Variants in P2RY11 observed in about 807,000 individuals in gnomAD.
The protein encoded by P2RY11 is P2Y purinoceptor 11.
A neutral mutation model predicts 2.4 loss-of-function variants in P2RY11; 3 were observed. That is an observed-to-expected ratio of 1.22 (90% CI 0.56 to 3.17). The LOEUF is 3.17. Ranked by LOEUF, P2RY11 falls within the 30% of genes most tolerant of loss-of-function variation. The pLI is 0.03. For missense variants in P2RY11, 670 were observed against 528.2 expected (o/e 1.27, Z -2.63); for synonymous variants, 307 against 237.3 (o/e 1.29, Z -2.70).
chr19:10,114,872 C>T lies in P2RY11; in HGVS notation c.*134C>T, dbSNP rs878989886. On this transcript the variant is annotated 3_prime_UTR_variant, in exon 2 of 2. Transcript: ENST00000321826. ...GCAGCCAGGTCAGGCCCAGCTGCAGCCCAGGCAGGAGCAGTCGCCTTTCCC... is the reference window on the plus strand; with the variant it reads ...GCAGCCAGGTCAGGCCCAGCTGCAGTCCAGGCAGGAGCAGTCGCCTTTCCC... 11 of 1,449,032 alleles carry T rather than the reference C, an allele frequency of 7.6e-6. No individual in the cohort carries two copies. The South Asian group carries it at 1.2e-4, about 16-fold the overall frequency. 89.8% of individuals were successfully genotyped at this position (1,449,032 alleles called of 1,614,324 possible). A position where few individuals can be genotyped will look rare whatever the true frequency, so the allele number is the denominator to read the frequency against.
Position 10,114,786 on chromosome 19 carries a change from C to A in P2RY11, c.*48C>A, listed in dbSNP as rs773672982. The A allele has an allele frequency of 6.4e-7, 1 of 1,550,698 alleles. No individual in the cohort carries two copies. Among genetic ancestry groups the A allele is most frequent in the Non-Finnish European group, 8.7e-7 (1 of 1,148,098 alleles). On this transcript the variant is annotated 3_prime_UTR_variant, in exon 2 of 2. Transcript: ENST00000321826. ...CCTCACCCTAGGTGTTGCTGGAGAA[C>A]CCTGAGGGCAGGGCCCGAGCCCCGA...
chr19:10,115,097 A>G lies in P2RY11; in HGVS notation c.*359A>G. 6.2e-7 allele frequency: 1 copy of G among 1,614,000 alleles called. No individual in the cohort carries two copies. Among genetic ancestry groups the G allele is most frequent in the Non-Finnish European group, 8.5e-7 (1 of 1,180,010 alleles). Reference sequence around the variant, plus strand: ...TGTCGCCAAGGGTCCCGGACCGAGTACACAGTGGCAGCTGGCTTAGTTGGT... The same window carrying G: ...TGTCGCCAAGGGTCCCGGACCGAGTGCACAGTGGCAGCTGGCTTAGTTGGT... On this transcript the variant is annotated 3_prime_UTR_variant, in exon 2 of 2. Coordinates refer to ENST00000321826, the MANE Select transcript of P2RY11 (RefSeq NM_002566.5).
intron 1 of P2RY11, chr19:10,112,305 C>A (rs988462526): frequency 6.5e-6 from 1 of 153,518 alleles, no homozygotes; most frequent in East Asian, 1.9e-4. Context: ...GACGACACTT[C>A]CTCCTTAAGC....
chr19:10,114,188 T>C lies in P2RY11; in HGVS notation c.575T>C (p.Leu192Pro). The C allele has an allele frequency of 6.2e-6, 10 of 1,600,768 alleles. No individual in the cohort carries two copies. The highest frequency in any genetic ancestry group is 8.5e-6 in the Non-Finnish European group (10 of 1,179,466). The stretch of plus-strand genomic sequence containing the variant: ...AGGCCCGAGGCCTGCATCAAGTGTC[T>C]GGGGACAGCAGACCACGGGCTGGCG... ...VARPEACIKC[L>P]GTADHGLAAY... Residue 192 changes from leucine (L) to proline (P), a missense_variant, in exon 2 of 2, where the codon CTG becomes CCG. Leu to Pro is a moderately conservative substitution (Grantham distance 98). Transcript: ENST00000321826.
At chr19:10,113,023 GGAGT>G (rs774079028) in intron 1 of P2RY11, among the ~76,000 whole-genome samples, 8 of 152,082 alleles carry the variant, frequency 5.3e-5, no homozygotes, top group Non-Finnish European at 7.4e-5. Flanking sequence ...CTGGTGCGAG[GGAGT>G]GAGTCGCGGA....
In P2RY11 at chr19:10,114,020, TCGCC is replaced by T. The variant is rs756747516; in HGVS notation, c.410_413del (p.Ala137GlufsTer12). The T allele has an allele frequency of 6.2e-7, 1 of 1,601,272 alleles. No homozygotes were observed. The highest frequency in any genetic ancestry group is 8.5e-7 in the Non-Finnish European group (1 of 1,179,644). On this transcript the variant is annotated frameshift_variant, in exon 2 of 2. Coordinates refer to ENST00000321826, the MANE Select transcript of P2RY11 (RefSeq NM_002566.5). LOFTEE classifies it low-confidence loss of function (END_TRUNC). ...TACCTGGGCATCGTGCACCCCTTCTTCGCCCGAAGCCACCTGCGACCCAAGCACG... is the reference window on the plus strand; with the variant it reads ...TACCTGGGCATCGTGCACCCCTTCTTCGAAGCCACCTGCGACCCAAGCACG...
At position 10,113,820 on chromosome 19, in the gene P2RY11, C is replaced by G. The variant is rs753346854; in HGVS notation, c.207C>G (p.Val69=). 4 of 1,613,824 alleles carry G rather than the reference C, an allele frequency of 2.5e-6. No individual in the cohort carries two copies. The highest frequency in any genetic ancestry group is 3.4e-6 in the Non-Finnish European group (4 of 1,179,976). Residue 69 remains valine (V), a synonymous_variant, in exon 2 of 2, where the codon GTC becomes GTG. Coordinates refer to ENST00000321826, the MANE Select transcript of P2RY11 (RefSeq NM_002566.5). Reference sequence around the variant, plus strand: ...GGCACCCCGCCGTGGTCTTCTCTGTCCAGCTGGCAGTCAGCGACCTGCTCT... The same window carrying G: ...GGCACCCCGCCGTGGTCTTCTCTGTGCAGCTGGCAGTCAGCGACCTGCTCT... The part of the protein sequence containing the change: ...RPWHPAVVFS[V]QLAVSDLLCA...
chr19:10,114,507 G>T lies in P2RY11; in HGVS notation c.894G>T (p.Gly298=). The T allele has an allele frequency of 6.2e-7, 1 of 1,609,842 alleles. No individual in the cohort carries two copies. The highest frequency in any genetic ancestry group is 8.5e-7 in the Non-Finnish European group (1 of 1,177,384). The change falls in exon 2 of 2, where the codon GGG becomes GGT. Residue 298 remains glycine, a synonymous_variant. Transcript: ENST00000321826. The part of the protein sequence containing the change: ...IAQATAALEL[G]PYVGYQVMRG... Reference sequence around the variant, plus strand: ...AGGCCACAGCAGCCCTGGAGCTGGGGCCCTACGTGGGCTACCAGGTGATGC... The same window carrying T: ...AGGCCACAGCAGCCCTGGAGCTGGGTCCCTACGTGGGCTACCAGGTGATGC...
Position 10,114,707 on chromosome 19 carries a change from C to A in P2RY11, c.1094C>A (p.Ser365Ter). 1 of 1,611,152 alleles carries A rather than the reference C, an allele frequency of 6.2e-7. No individual in the cohort carries two copies. The highest frequency in any genetic ancestry group is 8.5e-7 in the Non-Finnish European group (1 of 1,178,002). The change falls in exon 2 of 2, where the codon TCA becomes TAA. Residue 365 changes from serine (S) to a stop codon, truncating the protein, a stop_gained. Transcript: ENST00000321826. LOFTEE classifies it high-confidence loss of function. The part of the protein sequence containing the change: ...PLNATAAPKP[S>*]EPQSRELSQ ...AATGCCACAGCCGCCCCTAAACCGT[C>A]AGAGCCCCAGTCCCGTGAGCTGAGC...
chr19:10,113,804 C>T lies in P2RY11; in HGVS notation c.191C>T (p.Ala64Val), dbSNP rs774621964. 4.3e-6 allele frequency: 7 copies of T among 1,613,982 alleles called. No homozygotes were observed. The Admixed American group carries it at 1.2e-4, about 27-fold the overall frequency. ...CGGAAGCAGCGCCCATGGCACCCCGCCGTGGTCTTCTCTGTCCAGCTGGCA... is the reference window on the plus strand; with the variant it reads ...CGGAAGCAGCGCCCATGGCACCCCGTCGTGGTCTTCTCTGTCCAGCTGGCA... Reference protein sequence around the residue: ...SIRKQRPWHPAVVFSVQLAVS... With the variant: ...SIRKQRPWHPVVVFSVQLAVS... Residue 64 changes from alanine (A) to valine (V), a missense_variant, in exon 2 of 2, where the codon GCC becomes GTC. Coordinates refer to ENST00000321826, the MANE Select transcript of P2RY11 (RefSeq NM_002566.5).
In P2RY11 at chr19:10,114,806, C is replaced by T. The variant is rs1324908398; in HGVS notation, c.*68C>T. Reference sequence around the variant, plus strand: ...GAGAACCCTGAGGGCAGGGCCCGAGCCCCGACACATCCCTTCCCCCAAAAA... The same window carrying T: ...GAGAACCCTGAGGGCAGGGCCCGAGTCCCGACACATCCCTTCCCCCAAAAA... On this transcript the variant is annotated 3_prime_UTR_variant, in exon 2 of 2. Coordinates refer to ENST00000321826, the MANE Select transcript of P2RY11 (RefSeq NM_002566.5). 9 of 1,533,088 alleles carry T rather than the reference C, an allele frequency of 5.9e-6. No homozygotes were observed. Among genetic ancestry groups the T allele is most frequent in the Non-Finnish European group, 7.0e-6 (8 of 1,142,196 alleles). 95.0% of individuals were successfully genotyped at this position (1,533,088 alleles called of 1,614,324 possible). A position where few individuals can be genotyped will look rare whatever the true frequency, so the allele number is the denominator to read the frequency against.
At position 10,114,997 on chromosome 19, in the gene P2RY11, GAAC is replaced by G; in HGVS notation, c.*262_*264del. 6.6e-7 allele frequency: 1 copy of G among 1,525,888 alleles called. No individual in the cohort carries two copies. The highest frequency in any genetic ancestry group is 9.0e-7 in the Non-Finnish European group (1 of 1,115,880). 94.5% of individuals were successfully genotyped at this position (1,525,888 alleles called of 1,614,324 possible). A position where few individuals can be genotyped will look rare whatever the true frequency, so the allele number is the denominator to read the frequency against. On this transcript the variant is annotated 3_prime_UTR_variant, in exon 2 of 2. Coordinates refer to ENST00000321826, the MANE Select transcript of P2RY11 (RefSeq NM_002566.5). ...CCCCGCCACAGGACTGGAGACGCAAGAACAAAAAGAACCAAGTAGAGAGAGTGG... is the reference window on the plus strand; with the variant it reads ...CCCCGCCACAGGACTGGAGACGCAAGAAAAAGAACCAAGTAGAGAGAGTGG...
chr19:10,114,427 G>A lies in P2RY11; in HGVS notation c.814G>A (p.Val272Met), dbSNP rs147142449. 9.4e-4 allele frequency: 1,511 copies of A among 1,611,292 alleles called. 17 individuals carry two copies. In the South Asian group the frequency reaches 0.015, roughly 16 times the overall value. The change falls in exon 2 of 2, where the codon GTG (valine) becomes ATG (methionine). Residue 272 changes from valine to methionine, a missense_variant. By Grantham distance (21) the Val-to-Met change is conservative. Transcript: ENST00000321826. ...CTACCACATCATGCGGGTGCTCAAC[G>A]TGGATGCTCGGCGGCGCTGGAGCAC... ...VPYHIMRVLNVDARRRWSTRC... is the reference protein window; with the variant it reads ...VPYHIMRVLNMDARRRWSTRC...
Position 10,114,275 on chromosome 19 carries a change from C to G in P2RY11, c.662C>G (p.Thr221Arg). The G allele has an allele frequency of 6.3e-7, 1 of 1,598,270 alleles. No individual in the cohort carries two copies. The highest frequency in any genetic ancestry group is 8.5e-7 in the Non-Finnish European group (1 of 1,178,798). Residue 221 changes from threonine to arginine, a missense_variant, in exon 2 of 2, where the codon ACG becomes AGG. Thr to Arg is a moderately conservative substitution (Grantham distance 71). Coordinates refer to ENST00000321826, the MANE Select transcript of P2RY11 (RefSeq NM_002566.5). Reference sequence around the variant, plus strand: ...GGCTGCGGCCTGCCGCTGCTGCTCACGCTGGCAGCCTACGGCGCCCTCGGG... The same window carrying G: ...GGCTGCGGCCTGCCGCTGCTGCTCAGGCTGGCAGCCTACGGCGCCCTCGGG... ...GLGCGLPLLL[T>R]LAAYGALGRA...
chr19:10,113,612 G>A (rs2050581601), intron 1 of P2RY11, 21 bp from the exon 2 acceptor site: 3 of 1,599,294 alleles, frequency 1.9e-6, no homozygotes, highest in Non-Finnish European at 2.6e-6. Context: ...GGGCTCAGCT[G>A]GTGACACCTT....
In P2RY11 at chr19:10,114,470, C is replaced by T. The variant is rs1467613484; in HGVS notation, c.857C>T (p.Ala286Val). ...RRWSTRCPSF[A>V]DIAQATAALE... ...TGGAGCACCCGCTGCCCGAGCTTTGCAGACATAGCCCAGGCCACAGCAGCC... is the reference window on the plus strand; with the variant it reads ...TGGAGCACCCGCTGCCCGAGCTTTGTAGACATAGCCCAGGCCACAGCAGCC... The change falls in exon 2 of 2, where the codon GCA becomes GTA. Residue 286 changes from alanine (A) to valine (V), a missense_variant. By Grantham distance (64) the Ala-to-Val change is moderately conservative. Coordinates refer to ENST00000321826, the MANE Select transcript of P2RY11 (RefSeq NM_002566.5). The T allele has an allele frequency of 6.2e-7, 1 of 1,612,106 alleles. No individual in the cohort carries two copies. Among genetic ancestry groups the T allele is most frequent in the Non-Finnish European group, 8.5e-7 (1 of 1,179,690 alleles).
Position 10,113,822 on chromosome 19 carries a change from A to C in P2RY11, c.209A>C (p.Gln70Pro), listed in dbSNP as rs757290205. Reference sequence around the variant, plus strand: ...CACCCCGCCGTGGTCTTCTCTGTCCAGCTGGCAGTCAGCGACCTGCTCTGC... The same window carrying C: ...CACCCCGCCGTGGTCTTCTCTGTCCCGCTGGCAGTCAGCGACCTGCTCTGC... Reference protein sequence around the residue: ...PWHPAVVFSVQLAVSDLLCAL... With the variant: ...PWHPAVVFSVPLAVSDLLCAL... Residue 70 changes from glutamine (Q) to proline (P), a missense_variant, in exon 2 of 2, where the codon CAG becomes CCG. Gln to Pro is a moderately conservative substitution (Grantham distance 76, BLOSUM62 -1). Coordinates refer to ENST00000321826, the MANE Select transcript of P2RY11 (RefSeq NM_002566.5). 1.1e-5 allele frequency: 17 copies of C among 1,613,836 alleles called. 1 individual carries two copies. Among genetic ancestry groups the C allele is most frequent in the Non-Finnish European group, 1.4e-5 (16 of 1,179,942 alleles).
At chr19:10,112,136 G>C in intron 1 of P2RY11, 1 of 193,414 alleles carries the variant, frequency 5.2e-6, no homozygotes, top group Non-Finnish European at 1.1e-5. Flanking sequence ...GTCAAGGCTG[G>C]GTGTGGTGAT....
In P2RY11 at chr19:10,114,378, C is replaced by A. The variant is rs138899519; in HGVS notation, c.765C>A (p.Ala255=). The A allele has an allele frequency of 2.5e-6, 4 of 1,607,568 alleles. No individual in the cohort carries two copies. In the African/African-American group the frequency reaches 5.3e-5, roughly 21 times the overall value. ...CAGCGTTGGTGGCCAGTGGTGTGGC[C>A]CTCTACGCCAGCTCCTATGTGCCCT... ...RVAALVASGV[A]LYASSYVPYH... is the part of the protein sequence containing the mutation. Residue 255 remains alanine, a synonymous_variant, in exon 2 of 2, where the codon GCC becomes GCA. Transcript: ENST00000321826.
Sources: gnomAD v4.1 joint callset for allele counts (sites outside exome capture counted in the v4.1 genomes callset) on GRCh38, gnomAD v4.1.1 for gene constraint, MANE v1.5 for transcripts, NCBI Gene and HGNC (gene_info 2026-07-23, HGNC 2026-07-21) for gene names.